The following KLHL1 variants were observed in gnomAD, a reference collection of about 807,000 sequenced individuals.
KLHL1 encodes kelch-like protein 1.
A neutral mutation model predicts 77.7 loss-of-function variants in KLHL1; 47 were observed. The observed-to-expected ratio is 0.60, with a 90% CI of 0.48 to 0.77. KLHL1 has a LOEUF of 0.77. Ranked by LOEUF, KLHL1 falls within the 30% of genes least tolerant of loss-of-function variation. The probability of loss-of-function intolerance (pLI) is 0.00; values close to 1 mark genes in which losing one functional copy is unlikely to be tolerated. For synonymous variants in KLHL1, 360 were observed against 325.2 expected, an observed-to-expected ratio of 1.11 and a Z score of -1.15; for missense variants, 925 against 910.8, an observed-to-expected ratio of 1.02 and a Z score of -0.20.
chr13:69,971,367 C>T (rs923401771), intron 2 of KLHL1, among the ~76,000 whole-genome samples: 1 of 151,976 alleles, frequency 6.6e-6, no homozygotes, highest in Non-Finnish European at 1.5e-5. Context: ...CCTACATTAG[C>T]TTCTAATTAA....
At chr13:69,905,517 T>C (rs1411827022) in intron 4 of KLHL1, among the ~76,000 whole-genome samples, 1 of 152,060 alleles carries the variant, frequency 6.6e-6, no homozygotes, top group Non-Finnish European at 1.5e-5. Flanking sequence ...ATATAAATGA[T>C]ATTAAATTCT....
intron 1 of KLHL1, among the ~76,000 whole-genome samples, chr13:69,987,170 A>G (rs1186981776): frequency 6.6e-6 from 1 of 152,018 alleles, no homozygotes; most frequent in East Asian, 1.9e-4. Context: ...ACCATTCGCA[A>G]TGTATCTCTG....
chr13:69,861,305 C>A (rs1298194824), intron 5 of KLHL1, among the ~76,000 whole-genome samples: 2 of 151,982 alleles, frequency 1.3e-5, no homozygotes, highest in Non-Finnish European at 2.9e-5. Flanking sequence ...AATTCTCCAC[C>A]TTTTTGTGGC....
chr13:69,996,573 AG>A (rs1690769040), intron 1 of KLHL1, among the ~76,000 whole-genome samples: 1 of 152,146 alleles, frequency 6.6e-6, no homozygotes, highest in African/African-American at 2.4e-5. Context: ...CAACATTATT[AG>A]GGGAATCTAA....
At chr13:69,703,169 T>A (rs1035511577) in intron 10 of KLHL1, among the ~76,000 whole-genome samples, 10 of 151,622 alleles carry the variant, frequency 6.6e-5, no homozygotes, top group African/African-American at 2.4e-4. Context: ...GAACCACATA[T>A]ACAATGGTGG....
chr13:69,791,433 C>A (rs1352801570), intron 7 of KLHL1, among the ~76,000 whole-genome samples: 4 of 151,740 alleles, frequency 2.6e-5, no homozygotes, highest in East Asian at 1.9e-4. Flanking sequence ...ATAAACTGAT[C>A]TTTTTTAAAA....
At chr13:69,730,770 G>T (rs1873508562) in intron 8 of KLHL1, among the ~76,000 whole-genome samples, 1 of 151,968 alleles carries the variant, frequency 6.6e-6, no homozygotes, top group Admixed American at 6.6e-5. Context: ...TGTAGAGATG[G>T]GGTCTCACTA....
At chr13:70,070,980 G>T (rs984592473) in intron 1 of KLHL1, among the ~76,000 whole-genome samples, 27 of 151,770 alleles carry the variant, frequency 1.8e-4, no homozygotes, top group African/African-American at 6.1e-4. Flanking sequence ...TAAAGGGAAG[G>T]CACAAAAAAT....
intron 1 of KLHL1, among the ~76,000 whole-genome samples, chr13:70,087,926 G>A (rs1303056561): frequency 6.6e-6 from 1 of 152,084 alleles, no homozygotes; most frequent in Non-Finnish European, 1.5e-5. Flanking sequence ...GGGGTTGGGG[G>A]CATAGGGAAG....
intron 1 of KLHL1, among the ~76,000 whole-genome samples, chr13:70,020,964 C>T (rs371531805): frequency 6.6e-6 from 1 of 151,918 alleles, no homozygotes; most frequent in African/African-American, 2.4e-5. Flanking sequence ...GTATAGCCTC[C>T]CCTATTATCA....
chr13:69,749,606 T>C (rs942780676), intron 7 of KLHL1, among the ~76,000 whole-genome samples: 1 of 151,980 alleles, frequency 6.6e-6, no homozygotes, highest in African/African-American at 2.4e-5. Context: ...TGGCACATGT[T>C]AAAATCAAAT....
At chr13:69,719,264 T>A (rs2137893500) in intron 9 of KLHL1, 105 bp downstream of exon 9, 1 of 871,322 alleles carries the variant, frequency 1.1e-6, no homozygotes, top group South Asian at 1.6e-5. Flanking sequence ...CTCTAGGTGT[T>A]GAATTTACCC....
At chr13:69,957,820 T>C (rs1482295825) in intron 3 of KLHL1, among the ~76,000 whole-genome samples, 1 of 151,428 alleles carries the variant, frequency 6.6e-6, no homozygotes, top group Non-Finnish European at 1.5e-5. Flanking sequence ...ATTGAAAGTC[T>C]TAAAAGAAAA....
chr13:69,971,431 T>A (rs1884378327), intron 2 of KLHL1, among the ~76,000 whole-genome samples: 1 of 152,044 alleles, frequency 6.6e-6, no homozygotes, highest in African/African-American at 2.4e-5. Context: ...TCTATCATAA[T>A]CATCTTTGTC....
At chr13:69,901,869 C>T (rs1881879067) in intron 4 of KLHL1, among the ~76,000 whole-genome samples, 1 of 141,124 alleles carries the variant, frequency 7.1e-6, no homozygotes, top group African/African-American at 2.6e-5. Context: ...GCCATCTTGG[C>T]TCAATGCAAC....
At chr13:69,979,327 T>C (rs550443452) in intron 1 of KLHL1, among the ~76,000 whole-genome samples, 1 of 152,108 alleles carries the variant, frequency 6.6e-6, no homozygotes, top group African/African-American at 2.4e-5. Context: ...TGATTTTCTC[T>C]CACACATTTC....
At chr13:69,805,955 A>AT (rs1169186319) in intron 6 of KLHL1, among the ~76,000 whole-genome samples, 1 of 152,036 alleles carries the variant, frequency 6.6e-6, no homozygotes, top group African/African-American at 2.4e-5. Context: ...TCAAGGGGAA[A>AT]AAACCCTATC....
At chr13:69,796,137 A>G (rs763997031) in intron 7 of KLHL1, among the ~76,000 whole-genome samples, 83 of 152,310 alleles carry the variant, frequency 5.4e-4, no homozygotes, top group Middle Eastern at 3.4e-3. Context: ...GAACTTTAAT[A>G]TGTATCTCAA....
At chr13:69,914,091 T>C (rs1882334831) in intron 4 of KLHL1, among the ~76,000 whole-genome samples, 1 of 152,170 alleles carries the variant, frequency 6.6e-6, no homozygotes, top group African/African-American at 2.4e-5. Flanking sequence ...CACTCCAACT[T>C]CTTCAGCTTT....
Sources: gnomAD v4.1 joint callset for allele counts (sites outside exome capture counted in the v4.1 genomes callset) on GRCh38, gnomAD v4.1.1 for gene constraint, MANE v1.5 for transcripts, NCBI Gene and HGNC (gene_info 2026-07-23, HGNC 2026-07-21) for gene names.